The following ABCA13 variants were observed in gnomAD, a reference collection of about 807,000 sequenced individuals.
ABCA13 encodes ATP-binding cassette sub-family A member 13.
Under a neutral mutation model 478.7 loss-of-function variants are expected in ABCA13, and 476 were observed. The ratio of observed to expected loss-of-function variants is 0.99; its 90% CI spans 0.92 to 1.07. The LOEUF (loss-of-function observed/expected upper bound fraction) is 1.07. Ranked by LOEUF, ABCA13 falls within the 50% of genes least tolerant of loss-of-function variation. The pLI is 0.00. For synonymous variants in ABCA13, 2,252 were observed against 2,158.9 expected (o/e 1.04, Z -1.20); for missense variants, 6,060 against 5,910.6 (o/e 1.03, Z -0.83).
chr7:48,207,950 T>A (rs983608838), intron 3 of ABCA13, among the ~76,000 whole-genome samples: 3 of 152,156 alleles, frequency 2.0e-5, no homozygotes, highest in Non-Finnish European at 2.9e-5. Context: ...TAGATTTAAG[T>A]CTTTAATCAA....
chr7:48,413,053 C>A lies in ABCA13; in HGVS notation c.12459+470C>A, dbSNP rs367798287. On this transcript the variant is annotated intron_variant, in intron 41 of 61. Coordinates refer to ENST00000435803, the MANE Select transcript of ABCA13 (RefSeq NM_152701.5). ...GTCTCGATCCCCTGACCTCATGATC[C>A]GCCCGCCTCAGCCTCCCAAAGTGCT... 8.4e-4 allele frequency among the ~76,000 whole-genome samples: 128 copies of A among 152,030 alleles called. 1 individual carries two copies. Among genetic ancestry groups the A allele is most frequent in the African/African-American group, 2.8e-3 (118 of 41,494 alleles).
In ABCA13 at chr7:48,507,968, G is replaced by C. The variant is rs376330559; in HGVS notation, c.13443G>C (p.Arg4481Ser). 5.6e-6 allele frequency: 9 copies of C among 1,613,708 alleles called. No individual in the cohort carries two copies. Among genetic ancestry groups the C allele is most frequent in the Non-Finnish European group, 7.6e-6 (9 of 1,179,830 alleles). The change falls in exon 50 of 62, where the codon AGG becomes AGC. Residue 4481 changes from arginine (R) to serine (S), a missense_variant. Arg to Ser is a moderately radical substitution (Grantham distance 110). Coordinates refer to ENST00000435803, the MANE Select transcript of ABCA13 (RefSeq NM_152701.5). ...TCGGCAGCTCTGTGGTGAGGGACAG[G>C]GTGATTGGAGCCAAAAGGTTGCAGC... ...ASIGSSVVRDRVIGAKRLQHI... is the reference protein window; with the variant it reads ...ASIGSSVVRDSVIGAKRLQHI...
At chr7:48,439,027 C>T (rs947475242) in intron 42 of ABCA13, among the ~76,000 whole-genome samples, 1 of 151,988 alleles carries the variant, frequency 6.6e-6, no homozygotes, top group African/African-American at 2.4e-5. Context: ...TGTCACTTCT[C>T]CATTTCCAGT....
chr7:48,249,245 C>T lies in ABCA13; in HGVS notation c.1899C>T (p.Phe633=). Residue 633 remains phenylalanine (F), a synonymous_variant, in exon 15 of 62, where the codon TTC becomes TTT. Transcript: ENST00000435803. Reference sequence around the variant, plus strand: ...ATACACTTGAAAAAACACAATTTTTCCTGGAACAAGCATATTATTGGAAAG... The same window carrying T: ...ATACACTTGAAAAAACACAATTTTTTCTGGAACAAGCATATTATTGGAAAG... The part of the protein sequence containing the change: ...IFHTLEKTQF[F]LEQAYYWKAF... 5 of 1,611,626 alleles carry T rather than the reference C, an allele frequency of 3.1e-6. No homozygotes were observed. Among genetic ancestry groups the T allele is most frequent in the Non-Finnish European group, 3.4e-6 (4 of 1,178,852 alleles).
chr7:48,294,437 T>G (rs200473595), intron 20 of ABCA13, among the ~76,000 whole-genome samples: 6,631 of 90,334 alleles, frequency 0.073, 377 homozygotes, highest in African/African-American at 0.18. Context: ...TTTTTTTTTT[T>G]TTTTGTTTTG....
At chr7:48,462,136 T>TC (rs1183220311) in intron 43 of ABCA13, among the ~76,000 whole-genome samples, 1 of 152,144 alleles carries the variant, frequency 6.6e-6, no homozygotes, top group Admixed American at 6.5e-5. Context: ...TTGTACTCTC[T>TC]CTAAAGGAAG....
chr7:48,621,742 TA>T (rs1793159058), intron 59 of ABCA13, among the ~76,000 whole-genome samples: 2 of 152,246 alleles, frequency 1.3e-5, no homozygotes, highest in Non-Finnish European at 2.9e-5. Flanking sequence ...AGTTAAGAAC[TA>T]ACCAAATTAA....
At chr7:48,190,718 A>G (rs1346235671) in intron 1 of ABCA13, among the ~76,000 whole-genome samples, 1 of 152,204 alleles carries the variant, frequency 6.6e-6, no homozygotes, top group Non-Finnish European at 1.5e-5. Flanking sequence ...AATATTATGT[A>G]GCCTTTAAAA....
At position 48,314,742 on chromosome 7, in the gene ABCA13, A is replaced by C. The variant is rs117012413; in HGVS notation, c.9859+333A>C. On this transcript the variant is annotated intron_variant, in intron 26 of 61. Coordinates refer to ENST00000435803, the MANE Select transcript of ABCA13 (RefSeq NM_152701.5). The stretch of plus-strand genomic sequence containing the variant: ...AAGACCATGAGCACTGCTTTGGTCC[A>C]TGCAAATGGCTATATTATAATAACG... Among the ~76,000 whole-genome samples, 102 of 152,334 alleles carry C rather than the reference A, an allele frequency of 6.7e-4. 1 individual carries two copies. In the East Asian group the frequency reaches 0.019, roughly 28 times the overall value.
At chr7:48,328,530 A>G (rs536547435) in intron 27 of ABCA13, among the ~76,000 whole-genome samples, 1 of 152,310 alleles carries the variant, frequency 6.6e-6, no homozygotes, top group South Asian at 2.1e-4. Flanking sequence ...AGAACTGTGA[A>G]TGTACTTTTT....
chr7:48,202,287 C>T (rs1194771541), intron 3 of ABCA13, among the ~76,000 whole-genome samples: 1 of 152,132 alleles, frequency 6.6e-6, no homozygotes, highest in South Asian at 2.1e-4. Context: ...CTGATTGGTG[C>T]GTTTATAATC....
chr7:48,509,441 C>T (rs1682369059), intron 50 of ABCA13, among the ~76,000 whole-genome samples: 1 of 152,182 alleles, frequency 6.6e-6, no homozygotes, highest in Non-Finnish European at 1.5e-5. Context: ...TCACAACACA[C>T]AGGGGGCCAC....
chr7:48,414,335 C>T (rs532316647), intron 41 of ABCA13, among the ~76,000 whole-genome samples: 3 of 152,188 alleles, frequency 2.0e-5, no homozygotes, highest in African/African-American at 7.2e-5. Flanking sequence ...ATGCATGCTT[C>T]TCTGTCTCTC....
chr7:48,329,961 C>A (rs1216385202), intron 27 of ABCA13, among the ~76,000 whole-genome samples: 1 of 151,902 alleles, frequency 6.6e-6, no homozygotes, highest in Non-Finnish European at 1.5e-5. Flanking sequence ...TTCTATCCAT[C>A]CATCTATCCA....
At chr7:48,619,586 CAG>C (rs1280544015) in intron 59 of ABCA13, among the ~76,000 whole-genome samples, 2 of 152,212 alleles carry the variant, frequency 1.3e-5, no homozygotes, top group East Asian at 3.9e-4. Flanking sequence ...CTCACAAGTG[CAG>C]AGAGTGAGTC....
intron 38 of ABCA13, among the ~76,000 whole-genome samples, chr7:48,392,990 A>G (rs761464802): frequency 2.0e-5 from 3 of 152,206 alleles, no homozygotes; most frequent in Non-Finnish European, 4.4e-5. Context: ...AGAGTTGAGA[A>G]TATGTGGGGA....
intron 53 of ABCA13, among the ~76,000 whole-genome samples, chr7:48,522,573 C>G (rs1037968062): frequency 6.6e-6 from 1 of 152,066 alleles, no homozygotes; most frequent in Non-Finnish European, 1.5e-5. Context: ...ATACAGGGAT[C>G]GTTTGTTAGT....
At chr7:48,236,255 C>T (rs7777880) in intron 8 of ABCA13, among the ~76,000 whole-genome samples, 21,241 of 151,960 alleles carry the variant, frequency 0.14, 1,593 homozygotes, top group African/African-American at 0.2. Context: ...GAGAAATCTC[C>T]CAGGTGATCA....
Position 48,248,357 on chromosome 7 carries a change from C to T in ABCA13, c.1778C>T (p.Thr593Ile). ...MQLSEASLSC[T>I]RLFLLLGADP... ...CTGTCAGAAGCAAGCCTTTCCTGTACTCGGCTCTTCCTGCTGCTGGGAGCT... is the reference window on the plus strand; with the variant it reads ...CTGTCAGAAGCAAGCCTTTCCTGTATTCGGCTCTTCCTGCTGCTGGGAGCT... The change falls in exon 14 of 62, where the codon ACT (threonine) becomes ATT (isoleucine). Residue 593 changes from threonine (T) to isoleucine (I), a missense_variant. This residue lies in a region of ABCA13 where 4,423 missense variants were observed against 4,309.1 expected (regional missense o/e 1.03). Coordinates refer to ENST00000435803, the MANE Select transcript of ABCA13 (RefSeq NM_152701.5). 1.2e-6 allele frequency: 2 copies of T among 1,613,802 alleles called. No homozygotes were observed. Among genetic ancestry groups the T allele is most frequent in the Non-Finnish European group, 8.5e-7 (1 of 1,179,758 alleles).
Sources: gnomAD v4.1 joint callset for allele counts (sites outside exome capture counted in the v4.1 genomes callset) on GRCh38, gnomAD v4.1.1 for gene constraint, gnomAD v4.1.1 regional missense constraint, MANE v1.5 for transcripts, NCBI Gene and HGNC (gene_info 2026-07-23, HGNC 2026-07-21) for gene names.